Variants in FSD1 observed in about 807,000 individuals in gnomAD.
The protein encoded by FSD1 is fibronectin type III and SPRY domain containing 1.
Under a neutral mutation model 58.2 loss-of-function variants are expected in FSD1, and 23 were observed. The observed-to-expected ratio is 0.40, with a 90% CI of 0.28 to 0.56. The LOEUF is 0.56. Ranked by LOEUF, FSD1 falls within the 20% of genes least tolerant of loss-of-function variation. FSD1 has a pLI of 0.54. For missense variants in FSD1, 563 were observed against 670.8 expected, an observed-to-expected ratio of 0.84 and a Z score of 1.78; for synonymous variants, 265 against 263.4, an observed-to-expected ratio of 1.01 and a Z score of -0.06.
In FSD1 at chr19:4,304,699, G is replaced by C; in HGVS notation, c.-48G>C. ...GCGGCAAAGGCAGCTTGGGGACCCA[G>C]CGTGCGCGGGGCCCGCGGGCCGGGC... On this transcript the variant is annotated 5_prime_UTR_variant, in exon 1 of 13. Coordinates refer to ENST00000221856, the MANE Select transcript of FSD1 (RefSeq NM_024333.3). 7.4e-6 allele frequency: 9 copies of C among 1,210,192 alleles called. No individual in the cohort carries two copies. The South Asian group carries it at 3.8e-4, about 51-fold the overall frequency. 75.0% of individuals were successfully genotyped at this position (1,210,192 alleles called of 1,614,324 possible).
At chr19:4,306,472 C>CTTT in intron 3 of FSD1, 143 bp downstream of exon 3, 2 of 577,688 alleles carry the variant, frequency 3.5e-6, no homozygotes, top group Non-Finnish European at 2.8e-6. Context: ...TACACTCTCT[C>CTTT]TTTTTTTTTT....
At chr19:4,315,521 G>A (rs1389190674) in intron 7 of FSD1, among the ~76,000 whole-genome samples, 1 of 150,802 alleles carries the variant, frequency 6.6e-6, no homozygotes, top group Admixed American at 6.6e-5. Context: ...TGTTAGCCAG[G>A]ATGGTCTTGA....
At position 4,318,945 on chromosome 19, in the gene FSD1, G is replaced by C; in HGVS notation, c.1033G>C (p.Val345Leu). Reference sequence around the variant, plus strand: ...CCGCTTCACCGCTGAGTCCTACACAGTTCTGGGTAAGGAAGGGGAGAAGAA... The same window carrying C: ...CCGCTTCACCGCTGAGTCCTACACACTTCTGGGTAAGGAAGGGGAGAAGAA... The part of the protein sequence containing the change: ...RDRFTAESYT[V>L]LGDTLIDGGE... Residue 345 changes from valine (V) to leucine (L), a missense_variant, in exon 10 of 13, where the codon GTT becomes CTT. Coordinates refer to ENST00000221856, the MANE Select transcript of FSD1 (RefSeq NM_024333.3). 6.2e-7 allele frequency: 1 copy of C among 1,613,398 alleles called. No homozygotes were observed. Among genetic ancestry groups the C allele is most frequent in the Non-Finnish European group, 8.5e-7 (1 of 1,179,704 alleles).
intron 6 of FSD1, 106 bp downstream of exon 6, chr19:4,310,702 A>C: frequency 7.6e-7 from 1 of 1,321,866 alleles, no homozygotes; most frequent in Non-Finnish European, 1.0e-6. Context: ...CGGTGTCTGA[A>C]TTCCGCCTGG....
chr19:4,315,343 C>CT (rs1971742296), intron 7 of FSD1, among the ~76,000 whole-genome samples: 1 of 129,186 alleles, frequency 7.7e-6, no homozygotes, highest in African/African-American at 3.0e-5. Context: ...GAGTCTCACT[C>CT]TGTTGCCCAG....
rs200272896 is a variant in FSD1 at position 4,306,191 on chromosome 19, G to A, written c.112-7G>A. 2.5e-6 allele frequency: 4 copies of A among 1,613,694 alleles called. No individual in the cohort carries two copies. Among genetic ancestry groups the A allele is most frequent in the African/African-American group, 1.3e-5 (1 of 74,878 alleles). On this transcript the variant is annotated splice_region_variant and splice_polypyrimidine_tract_variant and intron_variant, in intron 2 of 12. Transcript: ENST00000221856. Reference sequence around the variant, plus strand: ...GGCTTTGGCCGATTCTGGCTGTTCCGACCCAGGCGAACTCGGCGAAGGTGC... The same window carrying A: ...GGCTTTGGCCGATTCTGGCTGTTCCAACCCAGGCGAACTCGGCGAAGGTGC...
intron 4 of FSD1, among the ~76,000 whole-genome samples, chr19:4,308,674 A>G (rs954541265): frequency 1.3e-5 from 2 of 152,160 alleles, no homozygotes; most frequent in Admixed American, 1.3e-4. Flanking sequence ...TAACACAGTG[A>G]AACCCCGTCT....
intron 10 of FSD1, among the ~76,000 whole-genome samples, chr19:4,320,433 G>C (rs1555731658): frequency 6.6e-6 from 1 of 152,122 alleles, no homozygotes; most frequent in Non-Finnish European, 1.5e-5. Flanking sequence ...AGTCTTCCAG[G>C]AACAAGGGTT....
At chr19:4,306,585 A>G (rs1971625318) in intron 3 of FSD1, among the ~76,000 whole-genome samples, 1 of 151,684 alleles carries the variant, frequency 6.6e-6, no homozygotes, top group South Asian at 2.1e-4. Flanking sequence ...CTCCTACCTC[A>G]GCCTCCCAAG....
In FSD1 at chr19:4,307,911, G is replaced by A. The variant is rs755975916; in HGVS notation, c.273G>A (p.Leu91=). ...QNQLAACTRA[L]ESSEELLETA... is the part of the protein sequence containing the mutation. ...AGCTGGCTGCCTGCACGCGGGCCCT[G>A]GAGAGCTCCGAGGAGCTTCTGGAGA... is the stretch of plus-strand genomic sequence containing the variant. Residue 91 remains leucine, a synonymous_variant, in exon 4 of 13, where the codon CTG becomes CTA. Transcript: ENST00000221856. 3.7e-6 allele frequency: 6 copies of A among 1,613,700 alleles called. No homozygotes were observed. The East Asian group carries it at 1.1e-4, about 30-fold the overall frequency.
At chr19:4,319,407 T>C (rs903955123) in intron 10 of FSD1, among the ~76,000 whole-genome samples, 2 of 152,118 alleles carry the variant, frequency 1.3e-5, no homozygotes, top group Non-Finnish European at 2.9e-5. Context: ...GAGAAGTCAA[T>C]AGTAGCATAA....
chr19:4,306,328 A>G lies in FSD1; in HGVS notation c.242A>G (p.Gln81Arg). ...QDRASRTYEL[Q>R]NQLAACTRAL... is the part of the protein sequence containing the mutation. ...CGTGCCAGCCGTACCTACGAGCTGC[A>G]GGTGAGGGCTGAGGGCATCTTCCTC... Residue 81 changes from glutamine (Q) to arginine (R), a missense_variant and splice_region_variant, in exon 3 of 13, where the codon CAG becomes CGG. Gln to Arg is a conservative substitution (Grantham distance 43). Coordinates refer to ENST00000221856, the MANE Select transcript of FSD1 (RefSeq NM_024333.3). 1 of 1,613,660 alleles carries G rather than the reference A, an allele frequency of 6.2e-7. No individual in the cohort carries two copies. Among genetic ancestry groups the G allele is most frequent in the Non-Finnish European group, 8.5e-7 (1 of 1,179,966 alleles).
Position 4,306,121 on chromosome 19 carries a change from G to A in FSD1, c.112-77G>A. On this transcript the variant is annotated intron_variant, in intron 2 of 12. Transcript: ENST00000221856. ...GTGCAGCCTTAGGAACTGGCCCATT[G>A]CTGTTGATGCCTGTGGGAGGTCTCA... The A allele has an allele frequency of 1.9e-6, 3 of 1,609,168 alleles. No individual in the cohort carries two copies. The South Asian group carries it at 3.3e-5, about 18-fold the overall frequency.
intron 7 of FSD1, among the ~76,000 whole-genome samples, chr19:4,313,015 C>T (rs1002242574): frequency 6.6e-6 from 1 of 151,524 alleles, no homozygotes; most frequent in East Asian, 2.0e-4. Flanking sequence ...GTTCTGGATT[C>T]ACCCTCCAAG....
rs1445271724 is a variant in FSD1 at position 4,323,528 on chromosome 19, C to T, written c.1381-5C>T. The T allele has an allele frequency of 6.3e-6, 10 of 1,576,372 alleles. No homozygotes were observed. Among genetic ancestry groups the T allele is most frequent in the South Asian group, 1.1e-5 (1 of 90,102 alleles). On this transcript the variant is annotated splice_polypyrimidine_tract_variant and splice_region_variant and intron_variant, in intron 12 of 12. Coordinates refer to ENST00000221856, the MANE Select transcript of FSD1 (RefSeq NM_024333.3). This position sits in a 1 kb window ranked among gnomAD's most constrained non-coding sequence, Gnocchi z 7.7. Reference sequence around the variant, plus strand: ...CCCCTCCCCCCTCCCCCCGCTGTCCCTCAGGTATGGTGTGGCAGCTTCCAG... The same window carrying T: ...CCCCTCCCCCCTCCCCCCGCTGTCCTTCAGGTATGGTGTGGCAGCTTCCAG...
At position 4,304,699 on chromosome 19, in the gene FSD1, G is replaced by A. The variant is rs1449825858; in HGVS notation, c.-48G>A. ...GCGGCAAAGGCAGCTTGGGGACCCAGCGTGCGCGGGGCCCGCGGGCCGGGC... is the reference window on the plus strand; with the variant it reads ...GCGGCAAAGGCAGCTTGGGGACCCAACGTGCGCGGGGCCCGCGGGCCGGGC... On this transcript the variant is annotated 5_prime_UTR_variant, in exon 1 of 13. Coordinates refer to ENST00000221856, the MANE Select transcript of FSD1 (RefSeq NM_024333.3). 45 of 1,210,084 alleles carry A rather than the reference G, an allele frequency of 3.7e-5. No homozygotes were observed. The highest frequency in any genetic ancestry group is 4.6e-5 in the Non-Finnish European group (45 of 968,598). 75.0% of individuals were successfully genotyped at this position (1,210,084 alleles called of 1,614,324 possible). A position where few individuals can be genotyped will look rare whatever the true frequency, so the allele number is the denominator to read the frequency against.
At position 4,313,586 on chromosome 19, in the gene FSD1, C is replaced by T. The variant is rs191529865; in HGVS notation, c.700+1535C>T. Among the ~76,000 whole-genome samples the T allele has an allele frequency of 4.9e-3, 742 of 151,398 alleles. 4 individuals carry two copies. The highest frequency in any genetic ancestry group is 0.016 in the African/African-American group (646 of 41,286). On this transcript the variant is annotated intron_variant, in intron 7 of 12. Transcript: ENST00000221856. Reference sequence around the variant, plus strand: ...TACAAAAATTAGCTGGGTGTGGTGGCGGGCGCCTGTAATCCCAGCTACTCG... The same window carrying T: ...TACAAAAATTAGCTGGGTGTGGTGGTGGGCGCCTGTAATCCCAGCTACTCG...
intron 7 of FSD1, among the ~76,000 whole-genome samples, chr19:4,312,748 T>C (rs146515043): frequency 0.025 from 3,799 of 151,650 alleles, 115 homozygotes; most frequent in African/African-American, 0.075. Flanking sequence ...GAGCTTGCAG[T>C]GAGCCTAGAT....
At chr19:4,313,716 CAA>C (rs545387721) in intron 7 of FSD1, among the ~76,000 whole-genome samples, 8 of 101,168 alleles carry the variant, frequency 7.9e-5, no homozygotes, top group Admixed American at 2.3e-4. Flanking sequence ...GACTCCGTCT[CAA>C]AAAAAAAAAA....
Sources: gnomAD v4.1 joint callset for allele counts (sites outside exome capture counted in the v4.1 genomes callset) on GRCh38, gnomAD v4.1.1 for gene constraint, Gnocchi (gnomAD v3.1) non-coding constraint, MANE v1.5 for transcripts, NCBI Gene and HGNC (gene_info 2026-07-23, HGNC 2026-07-21) for gene names.